Variants in PROX1 observed in about 807,000 individuals in gnomAD.
PROX1 encodes the protein prospero homeobox 1, also known as prospero homeobox protein 1.
PROX1 carries 7 observed loss-of-function variants against 58.8 expected under a neutral mutation model. The observed-to-expected ratio is 0.12, with a 90% CI of 0.07 to 0.22. The LOEUF is 0.22. Ranked by LOEUF, PROX1 falls within the 10% of genes least tolerant of loss-of-function variation. The probability of loss-of-function intolerance (pLI) is 1.00; values close to 1 mark genes in which losing one functional copy is unlikely to be tolerated. For missense variants in PROX1, 675 were observed against 927.8 expected (o/e 0.73, Z 3.54); for synonymous variants, 350 against 358.3 (o/e 0.98, Z 0.26).
intron 3 of PROX1, among the ~76,000 whole-genome samples, chr1:214,006,011 T>G (rs1257740643): frequency 2.0e-5 from 3 of 152,120 alleles, no homozygotes; most frequent in Non-Finnish European, 4.4e-5. Context: ...TTGCATCAAC[T>G]TGATGTTGTG....
intron 1 of PROX1, among the ~76,000 whole-genome samples, chr1:213,990,987 T>C (rs888191182): frequency 2.6e-5 from 4 of 152,294 alleles, no homozygotes; most frequent in Admixed American, 2.6e-4. Flanking sequence ...AACTGTGCTT[T>C]TCTATTCTGA....
chr1:214,018,787 A>C (rs1238119864), intron 4 of PROX1, among the ~76,000 whole-genome samples: 1 of 152,188 alleles, frequency 6.6e-6, no homozygotes, highest in African/African-American at 2.4e-5. Context: ...GATGGCCAGA[A>C]TCAATTCTGC....
intron 4 of PROX1, among the ~76,000 whole-genome samples, chr1:214,035,274 A>C (rs1664792302): frequency 6.6e-6 from 1 of 152,226 alleles, no homozygotes; most frequent in South Asian, 2.1e-4. Flanking sequence ...TGGCAATCAA[A>C]AAGAAATAGG....
intron 4 of PROX1, among the ~76,000 whole-genome samples, chr1:214,023,660 A>AT (rs1359448401): frequency 2.0e-5 from 3 of 152,126 alleles, no homozygotes; most frequent in Non-Finnish European, 2.9e-5. Flanking sequence ...TTCCCTTGAG[A>AT]TTGTTTTGTA....
chr1:214,030,226 C>T (rs1664600707), intron 4 of PROX1: 1 of 152,448 alleles, frequency 6.6e-6, no homozygotes, highest in African/African-American at 2.4e-5. Flanking sequence ...AACCCACACA[C>T]AAACTAATTC....
intron 3 of PROX1, among the ~76,000 whole-genome samples, chr1:214,008,490 T>C (rs1442757881): frequency 6.6e-6 from 1 of 151,882 alleles, no homozygotes; most frequent in East Asian, 1.9e-4. Context: ...TGGTATAACG[T>C]AATGGTCCAT....
In PROX1 at chr1:213,998,020, C is replaced by A. The variant is rs759885337; in HGVS notation, c.1485C>A (p.Ser495Arg). The change falls in exon 2 of 5, where the codon AGC becomes AGA. Residue 495 changes from serine (S) to arginine (R), a missense_variant. Coordinates refer to ENST00000366958, the MANE Select transcript of PROX1 (RefSeq NM_001270616.2). ...PLPLMAYPFQ[S>R]PLGAPSGSFS... Reference sequence around the variant, plus strand: ...CCTTGATGGCCTATCCATTTCAGAGCCCATTAGGTGCTCCCTCCGGCTCCT... The same window carrying A: ...CCTTGATGGCCTATCCATTTCAGAGACCATTAGGTGCTCCCTCCGGCTCCT... 34 of 1,612,214 alleles carry A rather than the reference C, an allele frequency of 2.1e-5. No individual in the cohort carries two copies. The highest frequency in any genetic ancestry group is 2.6e-5 in the Non-Finnish European group (31 of 1,179,022).
chr1:214,030,279 A>G (rs1270482349), intron 4 of PROX1: 1 of 152,404 alleles, frequency 6.6e-6, no homozygotes, highest in Non-Finnish European at 1.5e-5. Flanking sequence ...TTCGCTAGCC[A>G]TGCCTGCCAG....
intron 3 of PROX1, among the ~76,000 whole-genome samples, chr1:214,007,600 C>T (rs145537195): frequency 6.6e-6 from 1 of 152,308 alleles, no homozygotes; most frequent in East Asian, 1.9e-4. Context: ...AATGGCAGAG[C>T]ATTCTGGGAT....
At chr1:214,004,950 C>T (rs1558175303) in intron 2 of PROX1, among the ~76,000 whole-genome samples, 1 of 152,232 alleles carries the variant, frequency 6.6e-6, no homozygotes, top group Non-Finnish European at 1.5e-5. Context: ...AATTGTGCAT[C>T]CTCACCATTG....
In PROX1 at chr1:213,996,877, C is replaced by A. The variant is rs534069610; in HGVS notation, c.342C>A (p.Ser114Arg). 1.9e-6 allele frequency: 3 copies of A among 1,613,918 alleles called. No individual in the cohort carries two copies. The highest frequency in any genetic ancestry group is 2.7e-5 in the African/African-American group (2 of 74,872). The change falls in exon 2 of 5, where the codon AGC (serine) becomes AGA (arginine). Residue 114 changes from serine (S) to arginine (R), a missense_variant. Around this residue, in one of 8 missense-constraint regions of PROX1, gnomAD observed 157 missense variants for 197.8 expected, o/e 0.79. Transcript: ENST00000366958. ...GCACGGAGCCCAGTTTCCAAGCCAG[C>A]GGTCTCTCTAGTACAGGCTCCGAAG... is the stretch of plus-strand genomic sequence containing the variant. ...NGGTEPSFQA[S>R]GLSSTGSEVH...
intron 4 of PROX1, among the ~76,000 whole-genome samples, chr1:214,023,711 C>G (rs534012881): frequency 1.3e-5 from 2 of 152,178 alleles, no homozygotes; most frequent in Non-Finnish European, 2.9e-5. Context: ...AGTCCTCATA[C>G]AAGCCATTTG....
In PROX1 at chr1:214,023,352, CTTTTATTT is replaced by C. The variant is rs1259752181; in HGVS notation, c.2028+11650_2028+11657del. 2.0e-5 allele frequency among the ~76,000 whole-genome samples: 3 copies of C among 150,484 alleles called. No homozygotes were observed. The East Asian group carries it at 5.8e-4, about 29-fold the overall frequency. ...AATTGGCTATGTTTTTTTTTTTATT[CTTTTATTT>C]TTTTATTTTTTTGAGACACAGAGTG... is the stretch of plus-strand genomic sequence containing the variant. On this transcript the variant is annotated intron_variant, in intron 4 of 4. Coordinates refer to ENST00000366958, the MANE Select transcript of PROX1 (RefSeq NM_001270616.2).
chr1:213,987,527 G>C (rs1001172641), upstream of PROX1: 3 of 142,394 alleles, frequency 2.1e-5, no homozygotes, highest in Non-Finnish European at 4.5e-5. Flanking sequence ...CGGCGAACTC[G>C]ATCAGCTGTA....
rs997576427 is a variant in PROX1 at position 214,031,130 on chromosome 1, A to C, written c.2029-4519A>C. Among the ~76,000 whole-genome samples the C allele has an allele frequency of 2.0e-5, 3 of 151,934 alleles. No individual in the cohort carries two copies. The East Asian group carries it at 5.8e-4, about 29-fold the overall frequency. On this transcript the variant is annotated intron_variant, in intron 4 of 4. Transcript: ENST00000366958. ...CCCAGCTGTGGACTGGGCAGACTTG[A>C]AAACCTCCTCTCATTTTCTGCATTT...
rs1663354723 is a variant in PROX1, at chr1:213,998,165, C to T, written c.1630C>T (p.Pro544Ser). The T allele has an allele frequency of 9.9e-6, 16 of 1,614,040 alleles. No homozygotes were observed. The highest frequency in any genetic ancestry group is 1.3e-5 in the African/African-American group (1 of 74,938). Residue 544 changes from proline to serine, a missense_variant, in exon 2 of 5, where the codon CCC becomes TCC. Physicochemically the swap from Pro to Ser is moderately conservative, Grantham distance 74 (BLOSUM62 -1). This residue lies in a region of PROX1 where 403 missense variants were observed against 477.4 expected (regional missense o/e 0.84). Coordinates refer to ENST00000366958, the MANE Select transcript of PROX1 (RefSeq NM_001270616.2). The stretch of plus-strand genomic sequence containing the variant: ...CCACCCTTGTTCACCAGCACACCCG[C>T]CCAGCACCGCCGAAGGGCTCTCCTT... ...SHHPCSPAHP[P>S]STAEGLSLSL...
intron 1 of PROX1, among the ~76,000 whole-genome samples, chr1:213,990,340 T>G (rs570849153): frequency 4.1e-4 from 60 of 145,852 alleles, no homozygotes; most frequent in Admixed American, 9.9e-4. Context: ...TTGGAGAGGT[T>G]TATGAATTTA....
At chr1:214,003,024 T>G (rs575873283) in intron 2 of PROX1, among the ~76,000 whole-genome samples, 5 of 152,200 alleles carry the variant, frequency 3.3e-5, no homozygotes, top group Non-Finnish European at 1.5e-5. Context: ...AAAATGAACT[T>G]GAGAAATCCA....
upstream of PROX1, among the ~76,000 whole-genome samples, chr1:213,986,959 T>C (rs1432529149): frequency 1.3e-5 from 2 of 152,236 alleles, no homozygotes; most frequent in Non-Finnish European, 2.9e-5. Context: ...TTTTAGAGCC[T>C]GCGATTTATG....
Sources: gnomAD v4.1 joint callset for allele counts (sites outside exome capture counted in the v4.1 genomes callset) on GRCh38, gnomAD v4.1.1 for gene constraint, gnomAD v4.1.1 regional missense constraint, MANE v1.5 for transcripts, NCBI Gene and HGNC (gene_info 2026-07-23, HGNC 2026-07-21) for gene names.